XPO6: variants seen among roughly 807,000 people sequenced by gnomAD.
XPO6 encodes exportin-6.
In XPO6, 3 loss-of-function variants were observed where a neutral mutation model predicts 130.0. That is an observed-to-expected ratio of 0.02 (90% CI 0.01 to 0.06). The LOEUF (loss-of-function observed/expected upper bound fraction) is 0.06. XPO6 is among the 10% of genes least tolerant of loss of function. The probability of loss-of-function intolerance (pLI) is 1.00; values close to 1 mark genes in which losing one functional copy is unlikely to be tolerated. For missense variants in XPO6, 970 were observed against 1,393.0 expected (o/e 0.70, Z 4.83); for synonymous variants, 524 against 548.9 (o/e 0.95, Z 0.63).
intron 1 of XPO6, among the ~76,000 whole-genome samples, chr16:28,190,831 CAT>C (rs2043774769): frequency 6.6e-6 from 1 of 150,828 alleles, no homozygotes; most frequent in African/African-American, 2.5e-5. Context: ...GAAAAAAATA[CAT>C]GTGTGTGTGA....
chr16:28,109,463 C>T (rs1567594181), intron 17 of XPO6, among the ~76,000 whole-genome samples: 2 of 152,096 alleles, frequency 1.3e-5, no homozygotes, highest in South Asian at 4.1e-4. Context: ...AATGGACAGA[C>T]TGGCAGGCCC....
At position 28,106,004 on chromosome 16, in the gene XPO6, G is replaced by A; in HGVS notation, c.2784+39C>T. On this transcript the variant is annotated intron_variant, in intron 20 of 23. Transcript: ENST00000304658. This position sits in a 1 kb window ranked among gnomAD's most constrained non-coding sequence, Gnocchi z 4.2. ...AATCTCATTCCCTTCCCAATCTGGA[G>A]ATGGGGGGTGCTGCACAGGGGACCG... is the stretch of plus-strand genomic sequence containing the variant. 6.3e-7 allele frequency: 1 copy of A among 1,589,124 alleles called. No individual in the cohort carries two copies. Among genetic ancestry groups the A allele is most frequent in the Non-Finnish European group, 8.6e-7 (1 of 1,162,156 alleles).
At chr16:28,154,222 T>C (rs964044454) in intron 7 of XPO6, 1 of 962,692 alleles carries the variant, frequency 1.0e-6, no homozygotes, top group African/African-American at 2.0e-5. Context: ...GACTGTTCTT[T>C]AGGAAGGTGC....
intron 1 of XPO6, among the ~76,000 whole-genome samples, chr16:28,195,003 A>G (rs1349707107): frequency 2.7e-5 from 4 of 149,338 alleles, no homozygotes; most frequent in African/African-American, 7.4e-5. Flanking sequence ...AAGGTCCCCA[A>G]CTCTGTGAAG....
intron 1 of XPO6, among the ~76,000 whole-genome samples, chr16:28,207,815 G>A (rs2044057569): frequency 6.6e-6 from 1 of 152,188 alleles, no homozygotes; most frequent in Non-Finnish European, 1.5e-5. Context: ...GTGGAACCTA[G>A]CAGAGTTGGT....
At chr16:28,187,124 G>A (rs74014254) in intron 1 of XPO6, among the ~76,000 whole-genome samples, 8,929 of 152,182 alleles carry the variant, frequency 0.059, 657 homozygotes, top group East Asian at 0.17. Context: ...TGAAGAGCAA[G>A]GAAGTTTACT....
At chr16:28,129,794 AG>A (rs1425066087) in intron 12 of XPO6, among the ~76,000 whole-genome samples, 1 of 152,238 alleles carries the variant, frequency 6.6e-6, no homozygotes, top group Non-Finnish European at 1.5e-5. Context: ...TCCCTTACAC[AG>A]GAAAGTTTGC....
chr16:28,151,908 G>A lies in XPO6; in HGVS notation c.1224+751C>T, dbSNP rs935557376. On this transcript the variant is annotated intron_variant, in intron 8 of 23. Transcript: ENST00000304658. ...AGATAAAACACACACCAACAGGCAC[G>A]GGGGATAGGATGTGATAGAAATATC... Among the ~76,000 whole-genome samples, 7 of 152,242 alleles carry A rather than the reference G, an allele frequency of 4.6e-5. No individual in the cohort carries two copies. The East Asian group carries it at 5.8e-4, about 13-fold the overall frequency.
chr16:28,210,999 C>T (rs1265676293), intron 1 of XPO6, among the ~76,000 whole-genome samples: 1 of 152,354 alleles, frequency 6.6e-6, no homozygotes, highest in Admixed American at 6.5e-5. Context: ...TCCCCACTTC[C>T]GAACAGAGGG....
chr16:28,142,691 C>T (rs541242130), intron 9 of XPO6, among the ~76,000 whole-genome samples: 6 of 152,238 alleles, frequency 3.9e-5, no homozygotes, highest in Admixed American at 3.3e-4. Context: ...CTGCTTCAGC[C>T]TCCTGAGTAG....
At chr16:28,157,823 G>A (rs1391909914) in intron 6 of XPO6, among the ~76,000 whole-genome samples, 1 of 152,174 alleles carries the variant, frequency 6.6e-6, no homozygotes, top group Non-Finnish European at 1.5e-5. Flanking sequence ...CAGGAAGAAG[G>A]GCCATTCTGA....
At chr16:28,148,091 C>A (rs1351584391) in intron 8 of XPO6, among the ~76,000 whole-genome samples, 2 of 152,192 alleles carry the variant, frequency 1.3e-5, no homozygotes, top group Non-Finnish European at 2.9e-5. Flanking sequence ...TCAAAACTAT[C>A]CACTAGCCCC....
At chr16:28,123,382 A>G (rs1014044571) in intron 13 of XPO6, among the ~76,000 whole-genome samples, 1 of 152,196 alleles carries the variant, frequency 6.6e-6, no homozygotes, top group Non-Finnish European at 1.5e-5. Flanking sequence ...TGCTGGGATT[A>G]CAGGTGAGCC....
At chr16:28,108,216 C>G (rs766026557) in intron 17 of XPO6, among the ~76,000 whole-genome samples, 1 of 152,198 alleles carries the variant, frequency 6.6e-6, no homozygotes, top group Non-Finnish European at 1.5e-5. Context: ...CTGCCTGATC[C>G]ATCTTTGGCC....
At chr16:28,158,427 T>C (rs553233868) in intron 6 of XPO6, among the ~76,000 whole-genome samples, 257 of 152,364 alleles carry the variant, frequency 1.7e-3, no homozygotes, top group Non-Finnish European at 2.7e-3. Context: ...TGCAAAACTG[T>C]AAAACAACAC....
chr16:28,169,060 AC>A (rs1185287773), intron 5 of XPO6, among the ~76,000 whole-genome samples: 1 of 152,214 alleles, frequency 6.6e-6, no homozygotes, highest in Non-Finnish European at 1.5e-5. Context: ...TCTTTTCACT[AC>A]AAGATTCCCT....
Position 28,106,302 on chromosome 16 carries a change from G to T in XPO6, c.2612+81C>A, listed in dbSNP as rs576754100. Reference sequence around the variant, plus strand: ...CCATGCTGTGGCAAGTGCAGAACAGGAGCAAAAAGCCACACTTTGTCGCCA... The same window carrying T: ...CCATGCTGTGGCAAGTGCAGAACAGTAGCAAAAAGCCACACTTTGTCGCCA... On this transcript the variant is annotated intron_variant, in intron 19 of 23. Coordinates refer to ENST00000304658, the MANE Select transcript of XPO6 (RefSeq NM_015171.4). The surrounding 1 kb of genome is among the most constrained non-coding windows in gnomAD (Gnocchi z 4.2). 25 of 1,606,954 alleles carry T rather than the reference G, an allele frequency of 1.6e-5. No homozygotes were observed. Among genetic ancestry groups the T allele is most frequent in the Non-Finnish European group, 2.0e-5 (23 of 1,174,846 alleles).
chr16:28,117,032 G>A (rs2087082665), intron 15 of XPO6: 1 of 355,450 alleles, frequency 2.8e-6, no homozygotes, highest in African/African-American at 2.0e-5. Flanking sequence ...GAAGGAAAAT[G>A]TTTCAGAGGT....
chr16:28,170,843 C>T (rs1057468012), intron 4 of XPO6, among the ~76,000 whole-genome samples: 8 of 152,274 alleles, frequency 5.3e-5, no homozygotes, highest in South Asian at 2.1e-4. Flanking sequence ...AAAAAAAGTA[C>T]GCCTTCAACA....
Sources: allele counts gnomAD v4.1 joint callset (sites outside exome capture counted in the v4.1 genomes callset), GRCh38; gene constraint gnomAD v4.1.1; non-coding constraint Gnocchi (gnomAD v3.1); transcripts MANE v1.5; gene names NCBI Gene and HGNC (gene_info 2026-07-23, HGNC 2026-07-21).